SLC44A5: variants seen among roughly 807,000 people sequenced by gnomAD.
The protein encoded by SLC44A5 is choline transporter-like protein 5.
In SLC44A5, 57 loss-of-function variants were observed where a neutral mutation model predicts 101.8. That is an observed-to-expected ratio of 0.56 (90% CI 0.45 to 0.70). SLC44A5 has a LOEUF of 0.70. Among genes scored for constraint, SLC44A5 ranks in the 30% least tolerant of loss-of-function variants. The pLI is 0.00. For missense variants in SLC44A5, 737 were observed against 853.1 expected, an observed-to-expected ratio of 0.86 and a Z score of 1.70; for synonymous variants, 281 against 290.9, an observed-to-expected ratio of 0.97 and a Z score of 0.35.
chr1:75,223,126 TG>T (rs2100518616), intron 13 of SLC44A5, among the ~76,000 whole-genome samples: 1 of 152,330 alleles, frequency 6.6e-6, no homozygotes, highest in East Asian at 1.9e-4. Context: ...TAAGTGAATC[TG>T]CAGAGAAAGA....
intron 2 of SLC44A5, among the ~76,000 whole-genome samples, chr1:75,478,626 A>T (rs543326593): frequency 5.9e-5 from 9 of 152,256 alleles, no homozygotes; most frequent in Non-Finnish European, 1.3e-4. Flanking sequence ...AACAGACTTC[A>T]AACCAACAAA....
chr1:75,512,012 T>A (rs957063315), intron 2 of SLC44A5, among the ~76,000 whole-genome samples: 4 of 152,188 alleles, frequency 2.6e-5, no homozygotes, highest in Non-Finnish European at 4.4e-5. Context: ...ACTCATTAGC[T>A]TCTGAGTCCT....
At chr1:75,304,568 G>A (rs1353229899) in intron 4 of SLC44A5, among the ~76,000 whole-genome samples, 1 of 152,084 alleles carries the variant, frequency 6.6e-6, no homozygotes, top group African/African-American at 2.4e-5. Flanking sequence ...TTTGATTTCA[G>A]AGCATCTGTC....
chr1:75,711,609 A>G, the SLC44A5 span, among the ~76,000 whole-genome samples: 1 of 152,198 alleles, frequency 6.6e-6, no homozygotes, highest in Non-Finnish European at 1.5e-5. Context: ...TGGGTACAGT[A>G]GTACATCTGA....
chr1:75,362,171 TTTTA>T (rs1311229245), intron 3 of SLC44A5, among the ~76,000 whole-genome samples: 1 of 152,006 alleles, frequency 6.6e-6, no homozygotes, highest in East Asian at 1.9e-4. Flanking sequence ...TCATGTTTGA[TTTTA>T]TTTATTTGAG....
At chr1:75,643,799 T>C in the SLC44A5 span, among the ~76,000 whole-genome samples, 3 of 152,278 alleles carry the variant, frequency 2.0e-5, no homozygotes, top group Admixed American at 6.5e-5. Flanking sequence ...CATGTGGGAC[T>C]GTGAGTCCAT....
At chr1:75,379,096 TC>T (rs1660800715) in intron 3 of SLC44A5, among the ~76,000 whole-genome samples, 1 of 77,704 alleles carries the variant, frequency 1.3e-5, no homozygotes, top group Non-Finnish European at 2.1e-5. Flanking sequence ...AGGGAGAGCC[TC>T]CCACAGTTGA....
At chr1:75,534,439 C>T (rs996017277) in intron 2 of SLC44A5, among the ~76,000 whole-genome samples, 1 of 152,140 alleles carries the variant, frequency 6.6e-6, no homozygotes, top group African/African-American at 2.4e-5. Context: ...CATTCTAAAG[C>T]AATCAAAACA....
intron 3 of SLC44A5, among the ~76,000 whole-genome samples, chr1:75,386,309 C>T (rs1661340991): frequency 6.6e-6 from 1 of 151,996 alleles, no homozygotes; most frequent in Non-Finnish European, 1.5e-5. Context: ...TCTAGAAAAC[C>T]CCATTGTCTC....
chr1:75,696,585 G>A, the SLC44A5 span, among the ~76,000 whole-genome samples: 5,050 of 152,160 alleles, frequency 0.033, 284 homozygotes, highest in African/African-American at 0.11. Context: ...GAAATATGTC[G>A]ACTCTCTTAG....
intron 1 of SLC44A5, among the ~76,000 whole-genome samples, chr1:75,587,083 G>T (rs969389731): frequency 3.9e-5 from 6 of 151,990 alleles, no homozygotes; most frequent in Non-Finnish European, 5.9e-5. Context: ...ACTGAAGAGG[G>T]TCCTAAAAAC....
At chr1:75,715,839 C>T in the SLC44A5 span, among the ~76,000 whole-genome samples, 1 of 152,014 alleles carries the variant, frequency 6.6e-6, no homozygotes, top group Non-Finnish European at 1.5e-5. Flanking sequence ...CAAAATAAAC[C>T]ATCAACAAAG....
At chr1:75,323,141 T>G (rs1039040729) in intron 4 of SLC44A5, among the ~76,000 whole-genome samples, 6 of 147,068 alleles carry the variant, frequency 4.1e-5, no homozygotes, top group Non-Finnish European at 1.5e-5. Context: ...CCTTCCTGTG[T>G]CCATGTGTTC....
intron 3 of SLC44A5, among the ~76,000 whole-genome samples, chr1:75,371,567 CAAAAAATG>C (rs1660224168): frequency 6.6e-6 from 1 of 151,902 alleles, no homozygotes; most frequent in South Asian, 2.1e-4. Context: ...ATTAAAAAAT[CAAAAAATG>C]AAAAACAGTG....
At chr1:75,614,434 T>C (rs1258874972), upstream of SLC44A5, among the ~76,000 whole-genome samples, 2 of 152,228 alleles carry the variant, frequency 1.3e-5, no homozygotes, top group Non-Finnish European at 2.9e-5. Context: ...TTCATAGTAA[T>C]GTCTTCTTAA....
At chr1:75,387,069 T>C (rs934058857) in intron 3 of SLC44A5, among the ~76,000 whole-genome samples, 1 of 152,102 alleles carries the variant, frequency 6.6e-6, no homozygotes, top group Non-Finnish European at 1.5e-5. Context: ...TCAAGATGGA[T>C]TAAAGACTTA....
chr1:75,362,877 T>C (rs1659597681), intron 3 of SLC44A5, among the ~76,000 whole-genome samples: 2 of 152,052 alleles, frequency 1.3e-5, no homozygotes, highest in Admixed American at 1.3e-4. Context: ...GTGTTTTCTT[T>C]TTGATGTTCT....
At chr1:75,708,110 T>C in the SLC44A5 span, among the ~76,000 whole-genome samples, 1 of 151,958 alleles carries the variant, frequency 6.6e-6, no homozygotes, top group South Asian at 2.1e-4. Flanking sequence ...TATATCAAAA[T>C]CCTTAAAAAT....
At chr1:75,321,775 G>A (rs372380295) in intron 4 of SLC44A5, among the ~76,000 whole-genome samples, 7 of 152,158 alleles carry the variant, frequency 4.6e-5, no homozygotes, top group Admixed American at 2.0e-4. Flanking sequence ...TAGTATTAGC[G>A]ACTTTTTCCT....
Sources: allele counts gnomAD v4.1 joint callset (sites outside exome capture counted in the v4.1 genomes callset), GRCh38; gene constraint gnomAD v4.1.1; transcripts MANE v1.5; gene names NCBI Gene and HGNC (gene_info 2026-07-23, HGNC 2026-07-21).